Variants in RAD51B observed in about 807,000 individuals in gnomAD.
RAD51B encodes the protein DNA repair protein RAD51 homolog 2.
A neutral mutation model predicts 42.2 loss-of-function variants in RAD51B; 38 were observed. That is an observed-to-expected ratio of 0.90 (90% CI 0.70 to 1.18). The LOEUF (loss-of-function observed/expected upper bound fraction) is 1.18, where lower values mean the gene tolerates loss of function less well. RAD51B is among the 50% of genes most tolerant of loss of function. The probability of loss-of-function intolerance (pLI) is 0.00; values close to 1 mark genes in which losing one functional copy is unlikely to be tolerated. For missense variants in RAD51B, 373 were observed against 400.7 expected (o/e 0.93, Z 0.59); for synonymous variants, 154 against 145.2 (o/e 1.06, Z -0.43).
At chr14:68,012,785 G>A (rs565700931) in intron 7 of RAD51B, among the ~76,000 whole-genome samples, 1 of 152,228 alleles carries the variant, frequency 6.6e-6, no homozygotes, top group African/African-American at 2.4e-5. Context: ...AGCTGTTGCT[G>A]TTGTTATATG....
At chr14:68,010,372 C>T (rs1324868232) in intron 7 of RAD51B, among the ~76,000 whole-genome samples, 3 of 151,576 alleles carry the variant, frequency 2.0e-5, no homozygotes, top group Non-Finnish European at 4.4e-5. Context: ...TGATTTAGTC[C>T]ACAGATTTAT....
At chr14:68,494,387 G>A (rs1206097031) in intron 10 of RAD51B, among the ~76,000 whole-genome samples, 1 of 151,990 alleles carries the variant, frequency 6.6e-6, no homozygotes, top group Admixed American at 6.6e-5. Flanking sequence ...GAGGACATTT[G>A]TACTTGCAGC....
Position 68,119,644 on chromosome 14 carries a change from G to A in RAD51B, c.757-172240G>A, listed in dbSNP as rs1189440042. On this transcript the variant is annotated intron_variant, in intron 7 of 10. Transcript: ENST00000471583. ...TCATCCATGTCCCTACAAAGGACACGAACTCATCATTTTTTATGGCTGCAT... is the reference window on the plus strand; with the variant it reads ...TCATCCATGTCCCTACAAAGGACACAAACTCATCATTTTTTATGGCTGCAT... Among the ~76,000 whole-genome samples, 6 of 149,798 alleles carry A rather than the reference G, an allele frequency of 4.0e-5. No individual in the cohort carries two copies. The South Asian group carries it at 8.5e-4, about 21-fold the overall frequency.
At chr14:68,520,046 A>C (rs2140328768) in intron 10 of RAD51B, among the ~76,000 whole-genome samples, 2 of 152,376 alleles carry the variant, frequency 1.3e-5, no homozygotes, top group Middle Eastern at 3.4e-3. Flanking sequence ...GTGTGAAAAC[A>C]GAGCTAGTTA....
chr14:67,835,504 G>A (rs1043568933), intron 4 of RAD51B, among the ~76,000 whole-genome samples: 16 of 151,704 alleles, frequency 1.1e-4, no homozygotes, highest in African/African-American at 3.4e-4. Context: ...ATACATATAT[G>A]TTATATATAC....
At chr14:68,276,940 G>A (rs2081237337) in intron 7 of RAD51B, among the ~76,000 whole-genome samples, 1 of 152,194 alleles carries the variant, frequency 6.6e-6, no homozygotes, top group South Asian at 2.1e-4. Context: ...ATGTCGGGGA[G>A]CAGGTCCCAC....
In RAD51B at chr14:68,146,381, C is replaced by T. The variant is rs34766676; in HGVS notation, c.757-145503C>T. 5.7e-3 allele frequency among the ~76,000 whole-genome samples: 869 copies of T among 152,128 alleles called. 6 individuals carry two copies. The highest frequency in any genetic ancestry group is 0.02 in the African/African-American group (846 of 41,502). On this transcript the variant is annotated intron_variant, in intron 7 of 10. Transcript: ENST00000471583. ...AGGAGAATTGCTCGAACCAAGATGG[C>T]GCCACTGCACTCCAGCCTGGGCAAC...
chr14:68,320,956 T>C (rs1404848809), intron 8 of RAD51B, among the ~76,000 whole-genome samples: 2 of 152,286 alleles, frequency 1.3e-5, no homozygotes, highest in Non-Finnish European at 2.9e-5. Context: ...GCCTTTCTCC[T>C]CCAACTCTTA....
chr14:68,074,652 T>A (rs1005591129), intron 7 of RAD51B, among the ~76,000 whole-genome samples: 4 of 152,214 alleles, frequency 2.6e-5, no homozygotes, highest in Non-Finnish European at 4.4e-5. Context: ...CTCATATGTG[T>A]GGGCTGATGT....
intron 7 of RAD51B, among the ~76,000 whole-genome samples, chr14:67,979,279 A>G (rs556799648): frequency 1.3e-5 from 2 of 152,382 alleles, no homozygotes; most frequent in Non-Finnish European, 1.5e-5. Flanking sequence ...CAGTTAAAAT[A>G]TAGTATTAAA....
intron 10 of RAD51B, among the ~76,000 whole-genome samples, chr14:68,558,842 A>G (rs1471232774): frequency 3.9e-5 from 6 of 152,140 alleles, no homozygotes; most frequent in Admixed American, 6.5e-5. Context: ...ACTTCAGTGT[A>G]TCTTTTGAGG....
intron 7 of RAD51B, among the ~76,000 whole-genome samples, chr14:68,202,723 C>T (rs2140928421): frequency 6.6e-6 from 1 of 151,962 alleles, no homozygotes; most frequent in South Asian, 2.1e-4. Context: ...GCTGGGATTA[C>T]AGGTGTGTGC....
At chr14:67,940,792 A>C (rs1425156762) in intron 7 of RAD51B, among the ~76,000 whole-genome samples, 2 of 151,542 alleles carry the variant, frequency 1.3e-5, no homozygotes, top group Admixed American at 1.3e-4. Flanking sequence ...GAAAAAAAAA[A>C]CACAGAAAAA....
At position 67,879,137 on chromosome 14, in the gene RAD51B, A is replaced by C. The variant is rs114816714; in HGVS notation, c.453-6732A>C. Among the ~76,000 whole-genome samples the C allele has an allele frequency of 8.9e-3, 1,359 of 152,358 alleles. 22 individuals carry two copies. The highest frequency in any genetic ancestry group is 0.031 in the African/African-American group (1,280 of 41,582). On this transcript the variant is annotated intron_variant, in intron 5 of 10. Coordinates refer to ENST00000471583, the MANE Select transcript of RAD51B (RefSeq NM_133510.4). Reference sequence around the variant, plus strand: ...AGATGTGGAGTTGTCTGAAATCCATAGGGCAGGCTGTTGGAAAGGGCAGGC... The same window carrying C: ...AGATGTGGAGTTGTCTGAAATCCATCGGGCAGGCTGTTGGAAAGGGCAGGC...
chr14:68,483,038 G>GGA (rs1403574592), downstream of RAD51B, among the ~76,000 whole-genome samples: 1 of 146,138 alleles, frequency 6.8e-6, no homozygotes, highest in African/African-American at 2.7e-5. Context: ...GGTGGATGGG[G>GGA]GAGAGAGAGA....
rs1244256337 is a variant in RAD51B, at chr14:68,371,046, AAAAAAAAAAG to A, written c.854-40370_854-40361del. 8.4e-3 allele frequency among the ~76,000 whole-genome samples: 1,196 copies of A among 141,608 alleles called. 29 individuals carry two copies. Among genetic ancestry groups the A allele is most frequent in the African/African-American group, 0.031 (1,140 of 36,336 alleles). The allele number at this position is 141,608 out of a possible 152,430, so 92.9% of individuals were successfully genotyped here. ...AGCAAGACTCTGTCTCAAAAAAAAA[AAAAAAAAAAG>A]AAAAAAAGAAAAGAAAATTAAAAAA... is the stretch of plus-strand genomic sequence containing the variant. On this transcript the variant is annotated intron_variant, in intron 8 of 10. Transcript: ENST00000471583.
At chr14:67,903,737 T>C (rs1320132795) in intron 7 of RAD51B, among the ~76,000 whole-genome samples, 1 of 152,176 alleles carries the variant, frequency 6.6e-6, no homozygotes, top group African/African-American at 2.4e-5. Flanking sequence ...CCTGTTTAGC[T>C]CTCCATTTTT....
At chr14:68,586,664 T>A (rs186873722) in intron 10 of RAD51B, among the ~76,000 whole-genome samples, 1 of 152,164 alleles carries the variant, frequency 6.6e-6, no homozygotes, top group East Asian at 1.9e-4. Context: ...GACACTCCCA[T>A]TCTCAGCATG....
intron 7 of RAD51B, among the ~76,000 whole-genome samples, chr14:68,051,567 C>T (rs544384070): frequency 1.3e-5 from 2 of 151,752 alleles, no homozygotes; most frequent in East Asian, 3.9e-4. Flanking sequence ...CTCATTATTG[C>T]ACTTTGCTAA....
Sources: allele counts gnomAD v4.1 joint callset (sites outside exome capture counted in the v4.1 genomes callset), GRCh38; gene constraint gnomAD v4.1.1; transcripts MANE v1.5; gene names NCBI Gene and HGNC (gene_info 2026-07-23, HGNC 2026-07-21).